Variants in SGCD observed in about 807,000 individuals in gnomAD.
SGCD encodes sarcoglycan delta, also known as delta-sarcoglycan.
Under a neutral mutation model 36.6 loss-of-function variants are expected in SGCD, and 18 were observed. The observed-to-expected ratio is 0.49, with a 90% CI of 0.34 to 0.73. The LOEUF is 0.73. Ranked by LOEUF, SGCD falls within the 30% of genes least tolerant of loss-of-function variation. The pLI, the probability that SGCD is intolerant of heterozygous loss-of-function variation, is 0.01. For missense variants in SGCD, 387 were observed against 346.7 expected (o/e 1.12, Z -0.92); for synonymous variants, 133 against 130.6 (o/e 1.02, Z -0.12).
At chr5:155,983,175 A>G (rs1286240498) in intron 1 of SGCD, among the ~76,000 whole-genome samples, 1 of 152,238 alleles carries the variant, frequency 6.6e-6, no homozygotes, top group Non-Finnish European at 1.5e-5. Flanking sequence ...GTATTTCTGT[A>G]TAACAGGCAC....
the SGCD span, among the ~76,000 whole-genome samples, chr5:155,862,479 G>A: frequency 5.9e-5 from 9 of 151,892 alleles, no homozygotes; most frequent in Middle Eastern, 3.4e-3. Flanking sequence ...GACATGCACC[G>A]CTACACCTGG....
intron 1 of SGCD, among the ~76,000 whole-genome samples, chr5:155,891,086 GAGAA>G (rs1387871966): frequency 6.6e-6 from 1 of 152,204 alleles, no homozygotes; most frequent in African/African-American, 2.4e-5. Flanking sequence ...TGTGTTGGAA[GAGAA>G]AGAGAAAGGA....
At chr5:155,895,024 T>C (rs575476880) in intron 1 of SGCD, among the ~76,000 whole-genome samples, 1 of 152,218 alleles carries the variant, frequency 6.6e-6, no homozygotes, top group South Asian at 2.1e-4. Context: ...GCAGTGTGGG[T>C]TCACCATATA....
intron 1 of SGCD, among the ~76,000 whole-genome samples, chr5:155,933,881 G>T (rs1757145837): frequency 6.6e-6 from 1 of 152,136 alleles, no homozygotes; most frequent in South Asian, 2.1e-4. Context: ...AAGGCTTGTT[G>T]ATTTCAAGCA....
intron 1 of SGCD, among the ~76,000 whole-genome samples, chr5:156,075,560 A>G (rs1249487912): frequency 6.6e-6 from 1 of 152,158 alleles, no homozygotes; most frequent in Non-Finnish European, 1.5e-5. Flanking sequence ...ATCTGTATAA[A>G]GGTTGTTGAA....
chr5:156,653,812 G>A (rs1023485087), intron 7 of SGCD, among the ~76,000 whole-genome samples: 1 of 151,956 alleles, frequency 6.6e-6, no homozygotes. Flanking sequence ...TTAGCACTGG[G>A]CCAGTCTTAC....
chr5:156,661,736 A>G (rs1170828206), intron 7 of SGCD, among the ~76,000 whole-genome samples: 315 of 148,852 alleles, frequency 2.1e-3, no homozygotes, highest in African/African-American at 7.9e-3. Flanking sequence ...CAAAATTAGC[A>G]AGACCAATCT....
intron 1 of SGCD, among the ~76,000 whole-genome samples, chr5:155,982,779 C>T (rs35176390): frequency 0.22 from 33,552 of 151,960 alleles, 4,547 homozygotes; most frequent in South Asian, 0.37. Context: ...GGCTGCTTTC[C>T]GGGGGTGAAG....
intron 3 of SGCD, among the ~76,000 whole-genome samples, chr5:156,277,471 A>G (rs977010725): frequency 5.3e-5 from 8 of 152,358 alleles, no homozygotes; most frequent in Non-Finnish European, 1.5e-5. Context: ...GTGGGCTCAC[A>G]GAGCTGGCAG....
At chr5:156,185,496 G>A (rs113659145) in intron 3 of SGCD, among the ~76,000 whole-genome samples, 3 of 152,100 alleles carry the variant, frequency 2.0e-5, no homozygotes, top group South Asian at 2.1e-4. Flanking sequence ...TTACAGATGT[G>A]AGCCACCGCG....
chr5:156,566,046 C>T (rs1003082346), intron 4 of SGCD, among the ~76,000 whole-genome samples: 14 of 152,000 alleles, frequency 9.2e-5, no homozygotes, highest in Non-Finnish European at 1.5e-5. Context: ...AGGATATGAA[C>T]AGACACTTCA....
At chr5:156,268,564 CTCCTTCCTTCCTTCCTTCCT>C (rs57057008) in intron 3 of SGCD, among the ~76,000 whole-genome samples, 1 of 149,460 alleles carries the variant, frequency 6.7e-6, no homozygotes, top group Admixed American at 6.7e-5. Flanking sequence ...TTTTGATTTG[CTCCTTCCTTCCTTCCTTCCT>C]TCCTTCCTTC....
At chr5:156,306,633 G>A (rs1213174550) in intron 3 of SGCD, among the ~76,000 whole-genome samples, 5 of 152,182 alleles carry the variant, frequency 3.3e-5, no homozygotes, top group Admixed American at 2.0e-4. Flanking sequence ...TGGTAGAGGG[G>A]TGGTGTCAAC....
chr5:155,927,798 T>A (rs1299026315), intron 1 of SGCD, among the ~76,000 whole-genome samples: 4 of 152,176 alleles, frequency 2.6e-5, no homozygotes, highest in African/African-American at 9.7e-5. Flanking sequence ...TGTAAGATGG[T>A]TTATGTCCAA....
chr5:156,375,261 G>T (rs1466860986), intron 3 of SGCD, among the ~76,000 whole-genome samples: 1 of 152,042 alleles, frequency 6.6e-6, no homozygotes, highest in Non-Finnish European at 1.5e-5. Context: ...TATTTCCTAA[G>T]AACAGTAATG....
chr5:155,892,643 G>A (rs548865864), intron 1 of SGCD, among the ~76,000 whole-genome samples: 26 of 152,186 alleles, frequency 1.7e-4, no homozygotes, highest in Middle Eastern at 3.4e-3. Flanking sequence ...TGGAATTTTT[G>A]TGTAAATTCT....
chr5:156,177,800 G>A (rs1214971071), intron 3 of SGCD, among the ~76,000 whole-genome samples: 1 of 152,120 alleles, frequency 6.6e-6, no homozygotes, highest in African/African-American at 2.4e-5. Context: ...GACTTGTTAG[G>A]TAGGGTAGTC....
At chr5:156,602,854 T>G (rs1761256554) in intron 6 of SGCD, among the ~76,000 whole-genome samples, 1 of 152,190 alleles carries the variant, frequency 6.6e-6, no homozygotes, top group African/African-American at 2.4e-5. Context: ...AATATTTTGT[T>G]GAGAAATTTT....
At chr5:156,231,567 T>C (rs1054101908) in intron 3 of SGCD, among the ~76,000 whole-genome samples, 1 of 151,912 alleles carries the variant, frequency 6.6e-6, no homozygotes, top group Non-Finnish European at 1.5e-5. Flanking sequence ...ATTAAATAAA[T>C]AAAAAGGTGA....
Sources: gnomAD v4.1 joint callset for allele counts (sites outside exome capture counted in the v4.1 genomes callset) on GRCh38, gnomAD v4.1.1 for gene constraint, MANE v1.5 for transcripts, NCBI Gene and HGNC (gene_info 2026-07-23, HGNC 2026-07-21) for gene names.